The following GRB14 variants were observed in gnomAD, a reference collection of about 807,000 sequenced individuals.
The protein encoded by GRB14 is growth factor receptor bound protein 14, also known as growth factor receptor-bound protein 14.
GRB14 carries 38 observed loss-of-function variants against 69.1 expected under a neutral mutation model. The observed-to-expected ratio is 0.55, with a 90% CI of 0.42 to 0.72. The LOEUF is 0.72. Ranked by LOEUF, GRB14 falls within the 30% of genes least tolerant of loss-of-function variation. The pLI, the probability that GRB14 is intolerant of heterozygous loss-of-function variation, is 0.00. For synonymous variants in GRB14, 247 were observed against 241.3 expected (o/e 1.02, Z -0.22); for missense variants, 666 against 666.1 (o/e 1.00, Z 0.00).
chr2:164,516,490 GAAA>G (rs1418404360), intron 6 of GRB14, among the ~76,000 whole-genome samples: 1 of 117,740 alleles, frequency 8.5e-6, no homozygotes, highest in African/African-American at 3.2e-5. Context: ...CAAAGAAAAA[GAAA>G]AAAAAAAAAA....
intron 6 of GRB14, among the ~76,000 whole-genome samples, chr2:164,509,590 G>A (rs1687284661): frequency 1.3e-5 from 2 of 152,122 alleles, no homozygotes; most frequent in South Asian, 2.1e-4. Flanking sequence ...GAGGTTGAAT[G>A]TATAATCAAA....
chr2:164,515,914 A>C lies in GRB14; in HGVS notation c.816+6066T>G, dbSNP rs532890529. 2.6e-5 allele frequency among the ~76,000 whole-genome samples: 4 copies of C among 152,166 alleles called. No individual in the cohort carries two copies. The South Asian group carries it at 6.2e-4, about 24-fold the overall frequency. On this transcript the variant is annotated intron_variant, in intron 6 of 13. Transcript: ENST00000263915. ...TTAGAAATAAAGAACACACTAAAAG[A>C]AATGCAAAATGCTCTGGAAAGTTTC...
chr2:164,510,551 T>C (rs1687313447), intron 6 of GRB14, among the ~76,000 whole-genome samples: 1 of 152,120 alleles, frequency 6.6e-6, no homozygotes, highest in Non-Finnish European at 1.5e-5. Flanking sequence ...AATGGTTTCT[T>C]TGCAGGTAGA....
chr2:164,615,091 TTTGATCTCCC>T (rs1690256812), intron 2 of GRB14, among the ~76,000 whole-genome samples: 1 of 152,198 alleles, frequency 6.6e-6, no homozygotes, highest in Admixed American at 6.5e-5. Flanking sequence ...TGATACTCTT[TTTGATCTCCC>T]TTTATTTAAA....
chr2:164,573,876 T>A (rs1422276235), intron 2 of GRB14: 1 of 1,613,090 alleles, frequency 6.2e-7, no homozygotes, highest in Non-Finnish European at 8.5e-7. Context: ...AATGCAAGAC[T>A]GGATGCCAAG....
At chr2:164,500,463 T>C (rs1417313459) in intron 9 of GRB14, among the ~76,000 whole-genome samples, 1 of 152,132 alleles carries the variant, frequency 6.6e-6, no homozygotes, top group African/African-American at 2.4e-5. Flanking sequence ...TGTTAATCGC[T>C]GAAAATAGTC....
chr2:164,539,559 C>G (rs529914714), intron 3 of GRB14, among the ~76,000 whole-genome samples: 1 of 152,156 alleles, frequency 6.6e-6, no homozygotes, highest in Non-Finnish European at 1.5e-5. Context: ...CAGGAACTTA[C>G]CACATTTTGA....
chr2:164,582,416 TA>T (rs1689429764), intron 2 of GRB14, among the ~76,000 whole-genome samples: 2 of 110,128 alleles, frequency 1.8e-5, no homozygotes, highest in African/African-American at 9.0e-5. Context: ...TTTATTTATT[TA>T]TTTATTATTT....
At chr2:164,583,451 T>A (rs376082272) in intron 2 of GRB14, among the ~76,000 whole-genome samples, 1 of 152,226 alleles carries the variant, frequency 6.6e-6, no homozygotes, top group East Asian at 1.9e-4. Flanking sequence ...TAATGTCCTG[T>A]GACGTAGAAG....
At chr2:164,573,631 A>AG (rs1178111385) in intron 2 of GRB14, 2 of 1,438,502 alleles carry the variant, frequency 1.4e-6, no homozygotes, top group African/African-American at 3.6e-5. Context: ...TTTCTTTAAT[A>AG]GTTTTTTTTT....
intron 9 of GRB14, 76 bp from the exon 10 acceptor site, chr2:164,497,566 C>A: frequency 9.9e-7 from 1 of 1,007,466 alleles, no homozygotes; most frequent in Admixed American, 2.1e-5. Context: ...AAGTGTTTTT[C>A]AATTTCAGTG....
intron 2 of GRB14, among the ~76,000 whole-genome samples, chr2:164,569,114 T>C (rs1251575291): frequency 6.6e-6 from 1 of 152,166 alleles, no homozygotes; most frequent in Non-Finnish European, 1.5e-5. Flanking sequence ...CAAATACTTA[T>C]GTTTTTAAAA....
At chr2:164,511,086 C>T (rs577429367) in intron 6 of GRB14, among the ~76,000 whole-genome samples, 5 of 152,276 alleles carry the variant, frequency 3.3e-5, no homozygotes, top group Admixed American at 6.5e-5. Context: ...AGAGGGGAAC[C>T]GCCCATCCCA....
chr2:164,587,961 T>C (rs187308328), intron 2 of GRB14, among the ~76,000 whole-genome samples: 1 of 152,172 alleles, frequency 6.6e-6, no homozygotes. Context: ...ATTTCTGAAA[T>C]AAACATGTGG....
At chr2:164,600,454 G>C (rs988224902) in intron 2 of GRB14, among the ~76,000 whole-genome samples, 2 of 152,114 alleles carry the variant, frequency 1.3e-5, no homozygotes, top group Admixed American at 1.3e-4. Flanking sequence ...TTCTGTAGGA[G>C]AAATGTCATT....
chr2:164,547,311 C>T (rs1200391038), intron 3 of GRB14, among the ~76,000 whole-genome samples: 1 of 152,078 alleles, frequency 6.6e-6, no homozygotes, highest in African/African-American at 2.4e-5. Context: ...CAGGATGAAA[C>T]TGATAAAATC....
At chr2:164,585,151 T>C (rs1689509832) in intron 2 of GRB14, among the ~76,000 whole-genome samples, 1 of 126,538 alleles carries the variant, frequency 7.9e-6, no homozygotes, top group Admixed American at 9.7e-5. Flanking sequence ...TTTTGCCATG[T>C]CGGCCAGGCT....
At chr2:164,616,041 G>T (rs1396933308) in intron 2 of GRB14, among the ~76,000 whole-genome samples, 2 of 152,106 alleles carry the variant, frequency 1.3e-5, no homozygotes, top group Non-Finnish European at 1.5e-5. Flanking sequence ...GTAAGGGAAG[G>T]TATACTTTAA....
intron 2 of GRB14, among the ~76,000 whole-genome samples, chr2:164,570,851 G>T (rs1689108104): frequency 6.6e-6 from 1 of 152,128 alleles, no homozygotes; most frequent in Non-Finnish European, 1.5e-5. Context: ...CCCTAAAAGG[G>T]CTTAAAAACA....
Sources: allele counts gnomAD v4.1 joint callset (sites outside exome capture counted in the v4.1 genomes callset), GRCh38; gene constraint gnomAD v4.1.1; transcripts MANE v1.5; gene names NCBI Gene and HGNC (gene_info 2026-07-23, HGNC 2026-07-21).